TMC4: variants seen among roughly 807,000 people sequenced by gnomAD.
The protein encoded by TMC4 is voltage-gated chloride channel TMC4.
Under a neutral mutation model 82.0 loss-of-function variants are expected in TMC4, and 70 were observed. That is an observed-to-expected ratio of 0.85 (90% CI 0.70 to 1.04). The LOEUF (loss-of-function observed/expected upper bound fraction) is 1.04, where lower values mean the gene tolerates loss of function less well. Ranked by LOEUF, TMC4 falls within the 50% of genes least tolerant of loss-of-function variation. The pLI is 0.00. For missense variants in TMC4, 879 were observed against 899.0 expected (o/e 0.98, Z 0.28); for synonymous variants, 446 against 406.0 (o/e 1.10, Z -1.18).
intron 13 of TMC4, 118 bp downstream of exon 13, chr19:54,160,760 C>T: frequency 7.0e-7 from 1 of 1,436,270 alleles, no homozygotes; most frequent in Non-Finnish European, 9.4e-7. Flanking sequence ...TAGGCCTCCT[C>T]CCTCAGACTC....
At chr19:54,173,016 GA>G in intron 1 of TMC4, 22 bp downstream of exon 1, 1 of 1,606,456 alleles carries the variant, frequency 6.2e-7, no homozygotes, top group Non-Finnish European at 8.5e-7. Context: ...GGATGGATCT[GA>G]GCTTCTCCTG....
intron 3 of TMC4, among the ~76,000 whole-genome samples, chr19:54,168,991 TCTC>T (rs2075812513): frequency 4.2e-5 from 1 of 23,792 alleles, no homozygotes; most frequent in Non-Finnish European, 8.1e-5. Context: ...TCTCTCTCTC[TCTC>T]TATATATATA....
Position 54,160,418 on chromosome 19 carries a change from C to T in TMC4, c.2053-44G>A, listed in dbSNP as rs765654715. ...GAGGTGAGACAATCCTCTTCCCCAA[C>T]CCCTTTCCATGTTCCCCAGGGGCCC... On this transcript the variant is annotated intron_variant, in intron 14 of 14. Coordinates refer to ENST00000619895, the MANE Select transcript of TMC4 (RefSeq NM_144686.4). 3.1e-6 allele frequency: 5 copies of T among 1,600,382 alleles called. No homozygotes were observed. In the South Asian group the frequency reaches 3.3e-5, roughly 11 times the overall value.
At position 54,168,252 on chromosome 19, in the gene TMC4, G is replaced by A. The variant is rs969433966; in HGVS notation, c.716C>T (p.Pro239Leu). Residue 239 changes from proline (P) to leucine (L), a missense_variant, in exon 5 of 15, where the codon CCG (proline) becomes CTG (leucine). By Grantham distance (98) the Pro-to-Leu change is moderately conservative. Transcript: ENST00000619895. ...GGTGACCGCCAGGCGTGGGCGGGGC[G>A]GGTAGAAGCCATAGAAGAGAGGGGA... ...EWSPLFYGFY[P>L]PRPRLAVTYL... 7.0e-6 allele frequency: 11 copies of A among 1,563,618 alleles called. No individual in the cohort carries two copies. The highest frequency in any genetic ancestry group is 2.4e-5 in the East Asian group (1 of 42,052).
In TMC4 at chr19:54,163,028, C is replaced by G; in HGVS notation, c.1404+5G>C. 1 of 1,614,182 alleles carries G rather than the reference C, an allele frequency of 6.2e-7. No individual in the cohort carries two copies. Among genetic ancestry groups the G allele is most frequent in the Non-Finnish European group, 8.5e-7 (1 of 1,180,032 alleles). The stretch of plus-strand genomic sequence containing the variant: ...GAGTCCCACGCACACCCATGCCGTT[C>G]TCACCGGAAGTTGTTTGTAATTGTA... On this transcript the variant is annotated splice_donor_5th_base_variant and intron_variant, in intron 9 of 14. Transcript: ENST00000619895.
chr19:54,161,206 C>T lies in TMC4; in HGVS notation c.1741G>A (p.Ala581Thr). ...PAARTFRASA[A>T]NFFFPLVLLL... ...AGGACCAAGGGGAAAAAGAAATTCGCCGCGGAGGCCCGGAAGGTGCGGGCA... is the reference window on the plus strand; with the variant it reads ...AGGACCAAGGGGAAAAAGAAATTCGTCGCGGAGGCCCGGAAGGTGCGGGCA... The change falls in exon 12 of 15, where the codon GCG becomes ACG. Residue 581 changes from alanine to threonine, a missense_variant. Physicochemically the swap from Ala to Thr is moderately conservative, Grantham distance 58. Transcript: ENST00000619895. 1 of 1,590,756 alleles carries T rather than the reference C, an allele frequency of 6.3e-7. No homozygotes were observed. Among genetic ancestry groups the T allele is most frequent in the Non-Finnish European group, 8.5e-7 (1 of 1,169,742 alleles).
intron 5 of TMC4, among the ~76,000 whole-genome samples, chr19:54,167,555 T>C (rs1305205209): frequency 6.7e-6 from 1 of 150,114 alleles, no homozygotes; most frequent in African/African-American, 2.5e-5. Context: ...TAAGACTCTG[T>C]CTCAAAAACA....
Position 54,171,857 on chromosome 19 carries a change from GGT to G in TMC4, c.293+11_293+12del. On this transcript the variant is annotated intron_variant, in intron 2 of 14. Coordinates refer to ENST00000619895, the MANE Select transcript of TMC4 (RefSeq NM_144686.4). ...CCGGGCTGTGCGGGTCCCAGCTGGA[GGT>G]GGGGCCTCACCTGTGTGCCCGTCTG... 1.3e-6 allele frequency: 2 copies of G among 1,583,148 alleles called. No individual in the cohort carries two copies. The highest frequency in any genetic ancestry group is 2.3e-5 in the South Asian group (2 of 86,530).
Position 54,169,540 on chromosome 19 carries a change from G to C in TMC4, c.414C>G (p.Pro138=), listed in dbSNP as rs751482507. The stretch of plus-strand genomic sequence containing the variant: ...CGATCCTCTTCAGTGTCCACGCCCA[G>C]GGCTGCAGGCTTCGCAAGCCTTCCT... ...KTKEGLRSLQ[P]WAWTLKRIGG... is the part of the protein sequence containing the mutation. Residue 138 remains proline (P), a synonymous_variant, in exon 3 of 15, where the codon CCC becomes CCG. Transcript: ENST00000619895. 6.2e-7 allele frequency: 1 copy of C among 1,613,424 alleles called. No individual in the cohort carries two copies. The highest frequency in any genetic ancestry group is 8.5e-7 in the Non-Finnish European group (1 of 1,179,992).
In TMC4 at chr19:54,160,319, T is replaced by G. The variant is rs2075506944; in HGVS notation, c.2108A>C (p.Lys703Thr). Reference protein sequence around the residue: ...ARRAVALTSTKPAL With the variant: ...ARRAVALTSTTPAL ...GGGCTGCGGGGGTCAAAGAGCCGGT[T>G]TGGTGGAGGTCAGCGCCACAGCGCG... The change falls in exon 15 of 15, where the codon AAA (lysine) becomes ACA (threonine). Residue 703 changes from lysine (K) to threonine (T), a missense_variant. Lys to Thr is a moderately conservative substitution (Grantham distance 78). Transcript: ENST00000619895. 1 of 1,516,840 alleles carries G rather than the reference T, an allele frequency of 6.6e-7. No homozygotes were observed. Among genetic ancestry groups the G allele is most frequent in the African/African-American group, 1.4e-5 (1 of 71,558 alleles). 94.0% of individuals were successfully genotyped at this position (1,516,840 alleles called of 1,614,324 possible).
intron 8 of TMC4, 149 bp from the exon 9 acceptor site, chr19:54,163,308 CTTTTTTTTT>C (rs35587690): frequency 1.9e-4 from 115 of 593,594 alleles, no homozygotes; most frequent in Non-Finnish European, 2.7e-4. Context: ...TTCTTTCTTT[CTTTTTTTTT>C]TTTTTTTTTT....
rs547037866 is a variant in TMC4 at position 54,165,408 on chromosome 19, C to T, written c.945+11G>A. The T allele has an allele frequency of 1.6e-5, 25 of 1,588,798 alleles. No homozygotes were observed. The South Asian group carries it at 1.7e-4, about 11-fold the overall frequency. ...CCCTACCCAGTTGCAGACCCCGCTC[C>T]CTAATCGCACCTTTAATTCGTACAA... On this transcript the variant is annotated intron_variant, in intron 6 of 14. Coordinates refer to ENST00000619895, the MANE Select transcript of TMC4 (RefSeq NM_144686.4).
Position 54,169,496 on chromosome 19 carries a change from C to G in TMC4, c.442+16G>C, listed in dbSNP as rs1310239469. On this transcript the variant is annotated intron_variant, in intron 3 of 14. Coordinates refer to ENST00000619895, the MANE Select transcript of TMC4 (RefSeq NM_144686.4). ...CCAGGCCCTGCCCCCAGGACACCAC[C>G]CAAACCCCACCGCACCCCCGATCCT... 1 of 1,608,562 alleles carries G rather than the reference C, an allele frequency of 6.2e-7. No individual in the cohort carries two copies. The highest frequency in any genetic ancestry group is 1.3e-5 in the African/African-American group (1 of 74,940).
At chr19:54,170,607 GTTTGTTTTA>G (rs1201956229) in intron 2 of TMC4, among the ~76,000 whole-genome samples, 35 of 104,286 alleles carry the variant, frequency 3.4e-4, no homozygotes, top group African/African-American at 1.2e-3. Flanking sequence ...ATCCTCCTGT[GTTTGTTTTA>G]TTTTATTTTA....
chr19:54,163,832 G>C lies in TMC4; in HGVS notation c.1169C>G (p.Pro390Arg). Reference protein sequence around the residue: ...PLLKLGVNYLPSIFIAGVNFV... With the variant: ...PLLKLGVNYLRSIFIAGVNFV... ...ATTGACCCCAGCGATGAAGATGGAC[G>C]GAAGGTAATTCACCCCAAGCTTCAG... Residue 390 changes from proline (P) to arginine (R), a missense_variant, in exon 8 of 15, where the codon CCG becomes CGG. Physicochemically the swap from Pro to Arg is moderately radical, Grantham distance 103. Transcript: ENST00000619895. The C allele has an allele frequency of 6.2e-7, 1 of 1,614,040 alleles. No homozygotes were observed. The highest frequency in any genetic ancestry group is 8.5e-7 in the Non-Finnish European group (1 of 1,180,010).
Position 54,162,282 on chromosome 19 carries a change from G to A in TMC4, c.1506C>T (p.Leu502=). Residue 502 remains leucine, a synonymous_variant, in exon 11 of 15, where the codon CTC becomes CTT. Coordinates refer to ENST00000619895, the MANE Select transcript of TMC4 (RefSeq NM_144686.4). The part of the protein sequence containing the change: ...VALLIQFPRK[L]LCGLCPGALG... ...GCGCCCCAGGACAGAGGCCACAGAG[G>A]AGCCTGAAGGACGGGGCGGGGCCGG... 1 of 1,565,896 alleles carries A rather than the reference G, an allele frequency of 6.4e-7. No homozygotes were observed. The highest frequency in any genetic ancestry group is 8.6e-7 in the Non-Finnish European group (1 of 1,158,148).
intron 5 of TMC4, among the ~76,000 whole-genome samples, chr19:54,166,837 C>T (rs140207813): frequency 0.011 from 1,622 of 152,236 alleles, 11 homozygotes; most frequent in Non-Finnish European, 0.017. Context: ...CCTGTAATCC[C>T]AGCTACTTGG....
rs781317965 is a variant in TMC4 at position 54,169,548 on chromosome 19, G to C, written c.406C>G (p.Leu136Val). 1 of 1,613,720 alleles carries C rather than the reference G, an allele frequency of 6.2e-7. No homozygotes were observed. The highest frequency in any genetic ancestry group is 8.5e-7 in the Non-Finnish European group (1 of 1,180,008). ...TTCAGTGTCCACGCCCAGGGCTGCA[G>C]GCTTCGCAAGCCTTCCTTTGTTTTC... ...KEKTKEGLRS[L>V]QPWAWTLKRI... Residue 136 changes from leucine to valine, a missense_variant, in exon 3 of 15, where the codon CTG (leucine) becomes GTG (valine). Transcript: ENST00000619895.
chr19:54,160,297 C>A lies in TMC4; in HGVS notation c.*9G>T. ...CTGGGGTCTGAAAGCGGGACGTGGG[C>A]TGCGGGGGTCAAAGAGCCGGTTTGG... On this transcript the variant is annotated 3_prime_UTR_variant, in exon 15 of 15. Transcript: ENST00000619895. The A allele has an allele frequency of 1.3e-6, 2 of 1,515,426 alleles. No individual in the cohort carries two copies. 93.9% of individuals were successfully genotyped at this position (1,515,426 alleles called of 1,614,324 possible).
Sources: allele counts gnomAD v4.1 joint callset (sites outside exome capture counted in the v4.1 genomes callset), GRCh38; gene constraint gnomAD v4.1.1; transcripts MANE v1.5; gene names NCBI Gene and HGNC (gene_info 2026-07-23, HGNC 2026-07-21).